The following RSU1 variants were observed in gnomAD, a reference collection of about 807,000 sequenced individuals.
The protein encoded by RSU1 is Ras suppressor protein 1.
In RSU1, 26 loss-of-function variants were observed where a neutral mutation model predicts 31.1. That is an observed-to-expected ratio of 0.84 (90% CI 0.61 to 1.16). The LOEUF (loss-of-function observed/expected upper bound fraction) is 1.16. Ranked by LOEUF, RSU1 falls within the 50% of genes most tolerant of loss-of-function variation. The pLI, the probability that RSU1 is intolerant of heterozygous loss-of-function variation, is 0.00. For missense variants in RSU1, 320 were observed against 339.1 expected, an observed-to-expected ratio of 0.94 and a Z score of 0.44; for synonymous variants, 164 against 136.3, an observed-to-expected ratio of 1.20 and a Z score of -1.41.
chr10:16,754,237 C>T (rs1202376423), intron 5 of RSU1, among the ~76,000 whole-genome samples: 1 of 152,250 alleles, frequency 6.6e-6, no homozygotes, highest in Middle Eastern at 3.4e-3. Context: ...GGGAAGCAAA[C>T]CTTGTCCAAA....
chr10:16,634,183 C>T (rs1409791793), intron 8 of RSU1, among the ~76,000 whole-genome samples: 1 of 152,212 alleles, frequency 6.6e-6, no homozygotes, highest in Non-Finnish European at 1.5e-5. Context: ...GATACATTTA[C>T]AGACCAGAGC....
intron 8 of RSU1, among the ~76,000 whole-genome samples, chr10:16,672,385 A>C (rs2131539690): frequency 6.6e-6 from 1 of 152,306 alleles, no homozygotes; most frequent in East Asian, 1.9e-4. Context: ...GAGAAACAAT[A>C]GCACATGTTC....
intron 8 of RSU1, among the ~76,000 whole-genome samples, chr10:16,612,701 C>T (rs922488341): frequency 5.9e-5 from 9 of 152,196 alleles, no homozygotes; most frequent in Admixed American, 5.9e-4. Context: ...TATACTGTTC[C>T]TTGCTCTGTT....
chr10:16,725,746 C>A (rs1424850415), intron 7 of RSU1, among the ~76,000 whole-genome samples: 4 of 150,308 alleles, frequency 2.7e-5, no homozygotes, highest in Middle Eastern at 3.2e-3. Context: ...TCCCAGCCCC[C>A]AGAATGGTAA....
chr10:16,663,188 C>T (rs1405927656), intron 8 of RSU1, among the ~76,000 whole-genome samples: 1 of 152,052 alleles, frequency 6.6e-6, no homozygotes, highest in Non-Finnish European at 1.5e-5. Context: ...TAGGATCGTT[C>T]TGAAAAATTT....
At chr10:16,647,670 G>A (rs113372927) in intron 8 of RSU1, among the ~76,000 whole-genome samples, 1,658 of 152,276 alleles carry the variant, frequency 0.011, 28 homozygotes, top group African/African-American at 0.037. Flanking sequence ...AGGGCTGGGG[G>A]AAGAGAAGTT....
chr10:16,781,494 C>G (rs3780970), intron 3 of RSU1, among the ~76,000 whole-genome samples: 1 of 151,972 alleles, frequency 6.6e-6, no homozygotes, highest in East Asian at 1.9e-4. Flanking sequence ...CTTTCCCTTT[C>G]GAGGAGGAAA....
chr10:16,789,608 T>C (rs1837870258), intron 2 of RSU1, among the ~76,000 whole-genome samples: 1 of 152,180 alleles, frequency 6.6e-6, no homozygotes, highest in Admixed American at 6.5e-5. Context: ...CGAAATAGAA[T>C]GGGTTATTTA....
At chr10:16,652,927 C>A (rs564050373) in intron 8 of RSU1, among the ~76,000 whole-genome samples, 61 of 152,142 alleles carry the variant, frequency 4.0e-4, no homozygotes, top group African/African-American at 1.3e-3. Context: ...GATCTGCTTG[C>A]CTCAGCCTCC....
intron 3 of RSU1, among the ~76,000 whole-genome samples, chr10:16,765,046 T>C (rs1324523202): frequency 1.3e-5 from 2 of 152,126 alleles, no homozygotes; most frequent in African/African-American, 4.8e-5. Flanking sequence ...AAACAGTCTA[T>C]AAAAATGAGT....
At chr10:16,725,903 A>G (rs999933195) in intron 7 of RSU1, among the ~76,000 whole-genome samples, 5 of 150,382 alleles carry the variant, frequency 3.3e-5, no homozygotes, top group African/African-American at 1.2e-4. Flanking sequence ...ATTCTTGGCA[A>G]TTAAATCTAG....
intron 7 of RSU1, among the ~76,000 whole-genome samples, chr10:16,700,418 T>G (rs1168760507): frequency 6.6e-6 from 1 of 152,054 alleles, no homozygotes; most frequent in Non-Finnish European, 1.5e-5. Context: ...ATTGATTTGC[T>G]CAGAAAGGAT....
intron 8 of RSU1, among the ~76,000 whole-genome samples, chr10:16,617,089 T>C (rs928770409): frequency 6.6e-6 from 1 of 152,218 alleles, no homozygotes; most frequent in Admixed American, 6.5e-5. Context: ...GAAAACCTTA[T>C]TGTCTCATCC....
chr10:16,637,218 G>T (rs909782665), intron 8 of RSU1, among the ~76,000 whole-genome samples: 1 of 152,114 alleles, frequency 6.6e-6, no homozygotes, highest in Non-Finnish European at 1.5e-5. Context: ...GAAATAAAAA[G>T]AGCACTTTTA....
intron 8 of RSU1, among the ~76,000 whole-genome samples, chr10:16,684,469 G>A (rs1183458565): frequency 6.6e-6 from 1 of 152,160 alleles, no homozygotes; most frequent in Admixed American, 6.5e-5. Flanking sequence ...TTAAAATGCA[G>A]TCATTAGGGT....
chr10:16,603,259 T>A (rs540266768), intron 8 of RSU1, among the ~76,000 whole-genome samples: 1 of 152,116 alleles, frequency 6.6e-6, no homozygotes, highest in African/African-American at 2.4e-5. Context: ...ATATGAAAAA[T>A]AGGCTATAAT....
chr10:16,680,453 T>C (rs547311772), intron 8 of RSU1, among the ~76,000 whole-genome samples: 1 of 152,288 alleles, frequency 6.6e-6, no homozygotes, highest in South Asian at 2.1e-4. Flanking sequence ...AGGCAATTTA[T>C]ACAGAAAAGA....
chr10:16,672,769 A>T (rs956896149), intron 8 of RSU1, among the ~76,000 whole-genome samples: 1 of 152,184 alleles, frequency 6.6e-6, no homozygotes, highest in African/African-American at 2.4e-5. Context: ...ACATGGGCAT[A>T]AAAAAACCCT....
At chr10:16,675,890 C>T (rs950918252) in intron 8 of RSU1, among the ~76,000 whole-genome samples, 1 of 152,176 alleles carries the variant, frequency 6.6e-6, no homozygotes. Flanking sequence ...TGGATAAGAG[C>T]TCCCTGGAGA....
Sources: allele counts gnomAD v4.1 joint callset (sites outside exome capture counted in the v4.1 genomes callset), GRCh38; gene constraint gnomAD v4.1.1; transcripts MANE v1.5; gene names NCBI Gene and HGNC (gene_info 2026-07-23, HGNC 2026-07-21).